Variants in ST6GALNAC5 observed in about 807,000 individuals in gnomAD.
ST6GALNAC5 encodes the protein ST6 N-acetylgalactosaminide alpha-2,6-sialyltransferase 5.
Under a neutral mutation model 33.6 loss-of-function variants are expected in ST6GALNAC5, and 27 were observed. That is an observed-to-expected ratio of 0.80 (90% confidence interval 0.59 to 1.11). The LOEUF is 1.11. ST6GALNAC5 is among the 50% of genes least tolerant of loss of function. ST6GALNAC5 has a pLI of 0.00. For synonymous variants in ST6GALNAC5, 194 were observed against 171.2 expected, an observed-to-expected ratio of 1.13 and a Z score of -1.04; for missense variants, 428 against 454.0, an observed-to-expected ratio of 0.94 and a Z score of 0.52.
At chr1:76,877,566 C>T (rs2090967) in intron 2 of ST6GALNAC5, among the ~76,000 whole-genome samples, 3,533 of 152,316 alleles carry the variant, frequency 0.023, 131 homozygotes, top group African/African-American at 0.081. Flanking sequence ...ACAGGCCCCT[C>T]ACCACTGGAC....
chr1:76,959,387 A>C (rs888928386), intron 2 of ST6GALNAC5, among the ~76,000 whole-genome samples: 4 of 152,142 alleles, frequency 2.6e-5, no homozygotes, highest in Non-Finnish European at 5.9e-5. Context: ...TGCTTTTTAC[A>C]TTTAACTCTT....
intron 2 of ST6GALNAC5, among the ~76,000 whole-genome samples, chr1:76,962,067 G>A (rs1231942035): frequency 4.6e-5 from 7 of 152,340 alleles, no homozygotes; most frequent in African/African-American, 9.6e-5. Context: ...GAACAATCAT[G>A]TAGGCAGATA....
chr1:76,985,922 A>G (rs1213519889), intron 2 of ST6GALNAC5, among the ~76,000 whole-genome samples: 1 of 152,254 alleles, frequency 6.6e-6, no homozygotes, highest in Non-Finnish European at 1.5e-5. Context: ...TTCCCTATTT[A>G]ATAAATGGTG....
rs577914944 is a variant in ST6GALNAC5 at position 77,006,870 on chromosome 1, G to C, written c.262-37334G>C. On this transcript the variant is annotated intron_variant, in intron 2 of 4. Coordinates refer to ENST00000477717, the MANE Select transcript of ST6GALNAC5 (RefSeq NM_030965.3). ...TTGGCTGGTCTTTTGGGTGCTGGCT[G>C]TTCTCAGATGGCCTCAGTCATATAT... is the stretch of plus-strand genomic sequence containing the variant. 1.2e-4 allele frequency among the ~76,000 whole-genome samples: 18 copies of C among 152,274 alleles called. No individual in the cohort carries two copies. In the South Asian group the frequency reaches 1.2e-3, roughly 11 times the overall value.
rs952019876 is a variant in ST6GALNAC5, at chr1:76,948,206, C to T, written c.261+79464C>T. ...TTTAGAAGTGCCTTGTGAAACCCCC[C>T]ACCTTTGCATGCATCAGGGCCTAGC... On this transcript the variant is annotated intron_variant, in intron 2 of 4. Transcript: ENST00000477717. Among the ~76,000 whole-genome samples the T allele has an allele frequency of 2.6e-5, 4 of 152,122 alleles. No individual in the cohort carries two copies. In the South Asian group the frequency reaches 6.2e-4, roughly 24 times the overall value.
intron 2 of ST6GALNAC5, among the ~76,000 whole-genome samples, chr1:76,982,384 T>A (rs1265651038): frequency 6.6e-6 from 1 of 152,108 alleles, no homozygotes; most frequent in Admixed American, 6.6e-5. Context: ...CTTCAATAGC[T>A]GAATCAATCA....
At chr1:76,897,098 T>G (rs1161438528) in intron 2 of ST6GALNAC5, among the ~76,000 whole-genome samples, 1 of 151,834 alleles carries the variant, frequency 6.6e-6, no homozygotes, top group African/African-American at 2.4e-5. Context: ...GAGGAAGAAA[T>G]TTGGGCTTGA....
chr1:76,945,725 G>A (rs936891872), intron 2 of ST6GALNAC5, among the ~76,000 whole-genome samples: 6 of 152,008 alleles, frequency 3.9e-5, no homozygotes, highest in African/African-American at 4.8e-5. Context: ...GTTTCCCTCC[G>A]GTTCTCCAGG....
At chr1:76,961,256 T>C (rs1648226989) in intron 2 of ST6GALNAC5, among the ~76,000 whole-genome samples, 1 of 152,184 alleles carries the variant, frequency 6.6e-6, no homozygotes, top group African/African-American at 2.4e-5. Flanking sequence ...AAAGCACTTT[T>C]GGAGAGGCTA....
chr1:77,047,059 G>A (rs1430400737), intron 3 of ST6GALNAC5, among the ~76,000 whole-genome samples: 1 of 152,184 alleles, frequency 6.6e-6, no homozygotes, highest in Non-Finnish European at 1.5e-5. Flanking sequence ...CTGGTACGGA[G>A]GGAGCCAAAG....
chr1:76,882,907 A>G (rs1346782558), intron 2 of ST6GALNAC5, among the ~76,000 whole-genome samples: 1 of 151,966 alleles, frequency 6.6e-6, no homozygotes. Flanking sequence ...CCTAGGCACT[A>G]CGCACCCAGG....
chr1:77,033,100 G>A (rs1651518697), intron 2 of ST6GALNAC5, among the ~76,000 whole-genome samples: 1 of 152,194 alleles, frequency 6.6e-6, no homozygotes, highest in East Asian at 1.9e-4. Flanking sequence ...AATCACATCA[G>A]GGAGTTATTT....
chr1:77,027,158 TA>T (rs1348284271), intron 2 of ST6GALNAC5, among the ~76,000 whole-genome samples: 18 of 152,368 alleles, frequency 1.2e-4, no homozygotes, highest in African/African-American at 3.8e-4. Context: ...CACGGTTCTG[TA>T]ATGTACTCAG....
At chr1:76,981,033 C>T (rs1163904211) in intron 2 of ST6GALNAC5, among the ~76,000 whole-genome samples, 1 of 152,034 alleles carries the variant, frequency 6.6e-6, no homozygotes, top group Non-Finnish European at 1.5e-5. Context: ...TCCAAGATGG[C>T]CAAATAGGAA....
chr1:77,053,389 T>C (rs920456764), intron 4 of ST6GALNAC5, among the ~76,000 whole-genome samples: 1 of 152,184 alleles, frequency 6.6e-6, no homozygotes, highest in African/African-American at 2.4e-5. Context: ...TTCAGTGTTG[T>C]AGACCTAGAA....
intron 2 of ST6GALNAC5, among the ~76,000 whole-genome samples, chr1:76,981,014 G>A (rs1300418909): frequency 1.3e-5 from 2 of 152,118 alleles, no homozygotes; most frequent in Admixed American, 1.3e-4. Flanking sequence ...ATGAAAAAGG[G>A]GGGCACATTC....
At chr1:76,951,846 A>G (rs546079547) in intron 2 of ST6GALNAC5, among the ~76,000 whole-genome samples, 7 of 152,228 alleles carry the variant, frequency 4.6e-5, no homozygotes, top group African/African-American at 1.7e-4. Context: ...TAGCTAACCT[A>G]TGGGTGCAAC....
intron 2 of ST6GALNAC5, among the ~76,000 whole-genome samples, chr1:77,036,747 CCTT>C (rs1651658479): frequency 6.6e-6 from 1 of 152,240 alleles, no homozygotes; most frequent in South Asian, 2.1e-4. Flanking sequence ...TTGTTGAACA[CCTT>C]CTATGTGCTG....
intron 2 of ST6GALNAC5, among the ~76,000 whole-genome samples, chr1:77,022,321 A>G (rs1253062562): frequency 6.6e-6 from 1 of 152,146 alleles, no homozygotes; most frequent in African/African-American, 2.4e-5. Context: ...TGGCATTGAA[A>G]TTTTACCTTT....
Sources: gnomAD v4.1 joint callset for allele counts (sites outside exome capture counted in the v4.1 genomes callset) on GRCh38, gnomAD v4.1.1 for gene constraint, MANE v1.5 for transcripts, NCBI Gene and HGNC (gene_info 2026-07-23, HGNC 2026-07-21) for gene names.